The following DSCAML1 variants were observed in gnomAD, a reference collection of about 807,000 sequenced individuals.
DSCAML1 encodes the protein DS cell adhesion molecule like 1.
A neutral mutation model predicts 200.5 loss-of-function variants in DSCAML1; 38 were observed. The ratio of observed to expected loss-of-function variants is 0.19; its 90% CI spans 0.15 to 0.25. DSCAML1 has a LOEUF of 0.25. DSCAML1 is among the 10% of genes least tolerant of loss of function. The pLI, the probability that DSCAML1 is intolerant of heterozygous loss-of-function variation, is 1.00. For synonymous variants in DSCAML1, 1,215 were observed against 1,165.0 expected, an observed-to-expected ratio of 1.04 and a Z score of -0.87; for missense variants, 2,223 against 2,858.8, an observed-to-expected ratio of 0.78 and a Z score of 5.07.
intron 3 of DSCAML1, among the ~76,000 whole-genome samples, chr11:117,702,346 G>A (rs2053686342): frequency 6.6e-6 from 1 of 151,998 alleles, no homozygotes; most frequent in Non-Finnish European, 1.5e-5. Context: ...AGAACATGAT[G>A]CCTTCCTATG....
intron 21 of DSCAML1, among the ~76,000 whole-genome samples, chr11:117,440,637 C>T (rs866242812): frequency 1.2e-4 from 19 of 152,152 alleles, no homozygotes; most frequent in African/African-American, 4.6e-4. Context: ...GTTGGACAGG[C>T]CTGGTGGCTC....
At chr11:117,700,365 C>T (rs1298222738) in intron 3 of DSCAML1, among the ~76,000 whole-genome samples, 1 of 152,168 alleles carries the variant, frequency 6.6e-6, no homozygotes, top group Non-Finnish European at 1.5e-5. Flanking sequence ...GGTCAGACCA[C>T]ACCACATCAC....
At position 117,669,976 on chromosome 11, in the gene DSCAML1, C is replaced by A. The variant is rs1295825914; in HGVS notation, c.511+106815G>T. Reference sequence around the variant, plus strand: ...AGCAAGAGCTGATGGCCTGGCCAAGCCTGTGATTCTAGATCCTTTTTAAAG... The same window carrying A: ...AGCAAGAGCTGATGGCCTGGCCAAGACTGTGATTCTAGATCCTTTTTAAAG... On this transcript the variant is annotated intron_variant, in intron 3 of 32. Transcript: ENST00000651296. Among the ~76,000 whole-genome samples the A allele has an allele frequency of 3.3e-5, 5 of 152,234 alleles. 1 individual carries two copies. Among genetic ancestry groups the A allele is most frequent in the Admixed American group, 3.3e-4 (5 of 15,290 alleles).
intron 14 of DSCAML1, among the ~76,000 whole-genome samples, chr11:117,474,543 C>G (rs1377181310): frequency 1.3e-5 from 2 of 152,150 alleles, no homozygotes; most frequent in African/African-American, 2.4e-5. Flanking sequence ...ACCTTATAGC[C>G]AAGTTTTTAG....
chr11:117,728,604 A>C (rs1342173361), intron 3 of DSCAML1, among the ~76,000 whole-genome samples: 16 of 151,494 alleles, frequency 1.1e-4, no homozygotes, highest in Non-Finnish European at 2.2e-4. Flanking sequence ...TCAGAATACA[A>C]TATTGATACT....
At chr11:117,808,109 C>T (rs1052536234) in intron 1 of DSCAML1, among the ~76,000 whole-genome samples, 1 of 152,168 alleles carries the variant, frequency 6.6e-6, no homozygotes, top group Non-Finnish European at 1.5e-5. Flanking sequence ...CGTGAGCTAC[C>T]GCGCCCGGCC....
At chr11:117,486,401 G>C (rs1345009905) in intron 11 of DSCAML1, among the ~76,000 whole-genome samples, 1 of 151,216 alleles carries the variant, frequency 6.6e-6, no homozygotes, top group African/African-American at 2.4e-5. Context: ...GAAAGTGGCG[G>C]ATGGGAAAGT....
At position 117,780,470 on chromosome 11, in the gene DSCAML1, G is replaced by A. The variant is rs200180778; in HGVS notation, c.364+23C>T. On this transcript the variant is annotated intron_variant, in intron 2 of 32. Coordinates refer to ENST00000651296, the MANE Select transcript of DSCAML1 (RefSeq NM_020693.4). The surrounding 1 kb of genome is among the most constrained non-coding windows in gnomAD (Gnocchi z 4.8). ...CGCAGCCTCCTCCTGTGCCACTGGG[G>A]CAGCCAGTGTCTTGTCCCTTACCTG... The A allele has an allele frequency of 2.1e-4, 303 of 1,418,496 alleles. 1 individual carries two copies. In the East Asian group the frequency reaches 7.3e-3, roughly 34 times the overall value. The allele number at this position is 1,418,496 out of a possible 1,614,324, so 87.9% of individuals were successfully genotyped here. A position where few individuals can be genotyped will look rare whatever the true frequency, so the allele number is the denominator to read the frequency against.
chr11:117,714,084 A>G (rs1241237649), intron 3 of DSCAML1, among the ~76,000 whole-genome samples: 1 of 152,230 alleles, frequency 6.6e-6, no homozygotes, highest in Non-Finnish European at 1.5e-5. Context: ...AATGGGGATA[A>G]TAATTAGTTA....
intron 3 of DSCAML1, among the ~76,000 whole-genome samples, chr11:117,675,667 G>A (rs1486010526): frequency 6.6e-6 from 1 of 151,896 alleles, no homozygotes; most frequent in African/African-American, 2.4e-5. Flanking sequence ...AGGCCCGGCT[G>A]CGTGGTTGGT....
intron 3 of DSCAML1, among the ~76,000 whole-genome samples, chr11:117,569,137 T>A (rs1341618449): frequency 6.6e-6 from 1 of 152,168 alleles, no homozygotes; most frequent in African/African-American, 2.4e-5. Context: ...CCCTATTTAA[T>A]AAATGGTGCT....
intron 3 of DSCAML1, among the ~76,000 whole-genome samples, chr11:117,601,066 CCGTACACCCA>C (rs1254939582): frequency 6.6e-6 from 1 of 152,150 alleles, no homozygotes; most frequent in African/African-American, 2.4e-5. Context: ...CACCATTTTG[CCGTACACCCA>C]CAGAGCAGCC....
At position 117,789,457 on chromosome 11, in the gene DSCAML1, A is replaced by G. The variant is rs12805887; in HGVS notation, c.46+7577T>C. Among the ~76,000 whole-genome samples the G allele has an allele frequency of 8.5e-3, 1,291 of 152,170 alleles. 9 individuals carry two copies. The highest frequency in any genetic ancestry group is 0.013 in the Non-Finnish European group (916 of 67,998). ...TTATTTTTTCCAATCTCCTCCATTCACAAGGCCTAGAGAGGTGGAGTCATC... is the reference window on the plus strand; with the variant it reads ...TTATTTTTTCCAATCTCCTCCATTCGCAAGGCCTAGAGAGGTGGAGTCATC... On this transcript the variant is annotated intron_variant, in intron 1 of 32. Transcript: ENST00000651296.
chr11:117,747,737 C>T (rs1200715587), intron 3 of DSCAML1, among the ~76,000 whole-genome samples: 1 of 152,110 alleles, frequency 6.6e-6, no homozygotes, highest in Non-Finnish European at 1.5e-5. Flanking sequence ...CCTCAGGTAA[C>T]AGGAGAAGGA....
intron 3 of DSCAML1, among the ~76,000 whole-genome samples, chr11:117,571,467 A>G (rs537051564): frequency 6.6e-6 from 1 of 152,248 alleles, no homozygotes; most frequent in African/African-American, 2.4e-5. Flanking sequence ...CAGCACTCTG[A>G]TCTGGTCTCT....
At chr11:117,753,065 C>T (rs565835816) in intron 3 of DSCAML1, among the ~76,000 whole-genome samples, 1 of 152,018 alleles carries the variant, frequency 6.6e-6, no homozygotes, top group African/African-American at 2.4e-5. Context: ...CTGGCTGAGT[C>T]CTGCCTAAGC....
intron 3 of DSCAML1, among the ~76,000 whole-genome samples, chr11:117,536,140 A>G (rs1248831913): frequency 6.6e-6 from 1 of 152,166 alleles, no homozygotes; most frequent in African/African-American, 2.4e-5. Context: ...AGGAGAAATC[A>G]GGGGTATGAT....
At chr11:117,769,206 ATATATTTTATATATATTG>A (rs2054962043) in intron 3 of DSCAML1, among the ~76,000 whole-genome samples, 1 of 39,376 alleles carries the variant, frequency 2.5e-5, no homozygotes, top group African/African-American at 5.4e-5. Flanking sequence ...TATATATATT[ATATATTTTATATATATTG>A]TATATATTAT....
intron 3 of DSCAML1, among the ~76,000 whole-genome samples, chr11:117,584,583 C>T (rs372447285): frequency 7.9e-5 from 12 of 152,296 alleles, no homozygotes; most frequent in African/African-American, 2.6e-4. Flanking sequence ...AAGTTCTCAG[C>T]GCCTGGGTAG....
Sources: allele counts gnomAD v4.1 joint callset (sites outside exome capture counted in the v4.1 genomes callset), GRCh38; gene constraint gnomAD v4.1.1; non-coding constraint Gnocchi (gnomAD v3.1); transcripts MANE v1.5; gene names NCBI Gene and HGNC (gene_info 2026-07-23, HGNC 2026-07-21).